The following ANO7 variants were observed in gnomAD, a reference collection of about 807,000 sequenced individuals.
The protein encoded by ANO7 is anoctamin-7.
Under a neutral mutation model 115.8 loss-of-function variants are expected in ANO7, and 114 were observed. That is an observed-to-expected ratio of 0.98 (90% confidence interval 0.85 to 1.15). The LOEUF (loss-of-function observed/expected upper bound fraction) is 1.15, where lower values mean the gene tolerates loss of function less well. ANO7 is among the 50% of genes most tolerant of loss of function. The pLI is 0.00. For missense variants in ANO7, 1,302 were observed against 1,201.2 expected, an observed-to-expected ratio of 1.08 and a Z score of -1.24; for synonymous variants, 550 against 498.2, an observed-to-expected ratio of 1.10 and a Z score of -1.38.
intron 21 of ANO7, among the ~76,000 whole-genome samples, chr2:241,221,636 C>T (rs563905431): frequency 2.0e-5 from 3 of 150,946 alleles, no homozygotes; most frequent in African/African-American, 7.4e-5. Context: ...CTTCAGCCTC[C>T]CAAAGTGTTG....
At chr2:241,219,535 G>C (rs1048850471) in intron 21 of ANO7, among the ~76,000 whole-genome samples, 2 of 151,392 alleles carry the variant, frequency 1.3e-5, no homozygotes, top group Non-Finnish European at 2.9e-5. Context: ...TATTATTTTA[G>C]GGGTTACTCA....
chr2:241,203,595 G>T lies in ANO7; in HGVS notation c.889+97G>T. 1 of 935,906 alleles carries T rather than the reference G, an allele frequency of 1.1e-6. No homozygotes were observed. Among genetic ancestry groups the T allele is most frequent in the Non-Finnish European group, 1.5e-6 (1 of 652,946 alleles). The allele number at this position is 935,906 out of a possible 1,614,324, so 58.0% of individuals were successfully genotyped here. Reference sequence around the variant, plus strand: ...AGTCCGTACCCCTGGAGGGCAGCGTGCGTGGGGGCCTGGACGGTGGGCGCA... The same window carrying T: ...AGTCCGTACCCCTGGAGGGCAGCGTTCGTGGGGGCCTGGACGGTGGGCGCA... On this transcript the variant is annotated intron_variant, in intron 9 of 24. Coordinates refer to ENST00000674324, the MANE Select transcript of ANO7 (RefSeq NM_001370694.2). The surrounding 1 kb of genome is among the most constrained non-coding windows in gnomAD (Gnocchi z 4.8).
rs1436428125 is a variant in ANO7 at position 241,225,054 on chromosome 2, A to G, written c.*901A>G. The G allele has an allele frequency of 6.6e-6, 1 of 152,118 alleles. No individual in the cohort carries two copies. The highest frequency in any genetic ancestry group is 6.5e-5 in the Admixed American group (1 of 15,274). 9.4% of individuals were successfully genotyped at this position (152,118 alleles called of 1,614,324 possible). On this transcript the variant is annotated 3_prime_UTR_variant, in exon 25 of 25. Coordinates refer to ENST00000674324, the MANE Select transcript of ANO7 (RefSeq NM_001370694.2). Reference sequence around the variant, plus strand: ...CATACATAATTGTTTTCCACGCTGGATCATAATGTGACGTGCAGTTCTGCC... The same window carrying G: ...CATACATAATTGTTTTCCACGCTGGGTCATAATGTGACGTGCAGTTCTGCC...
At chr2:241,215,045 GC>G in intron 18 of ANO7, 143 bp downstream of exon 18, 1 of 782,522 alleles carries the variant, frequency 1.3e-6, no homozygotes, top group Non-Finnish European at 2.0e-6. Context: ...GGGGGAGTGT[GC>G]CCGGCCGTCT....
chr2:241,203,682 G>A lies in ANO7; in HGVS notation c.889+184G>A, dbSNP rs563070258. On this transcript the variant is annotated intron_variant, in intron 9 of 24. Transcript: ENST00000674324. This position sits in a 1 kb window ranked among gnomAD's most constrained non-coding sequence, Gnocchi z 4.8. ...TCAAGCCCACTCACTCTAACTGGGC[G>A]CCATGACGATGCCGGGCCCTGGCCT... Among the ~76,000 whole-genome samples the A allele has an allele frequency of 4.6e-5, 7 of 152,168 alleles. No homozygotes were observed. In the East Asian group the frequency reaches 1.2e-3, roughly 25 times the overall value.
rs779775415 is a variant in ANO7, at chr2:241,223,204, T to C, written c.2340T>C (p.Asp780=). 5.6e-6 allele frequency: 9 copies of C among 1,614,110 alleles called. No homozygotes were observed. The highest frequency in any genetic ancestry group is 7.6e-6 in the Non-Finnish European group (9 of 1,180,026). The change falls in exon 22 of 25, where the codon GAT becomes GAC. Residue 780 remains aspartate, a synonymous_variant. Transcript: ENST00000674324. ...GCTGCAGGTATCGGGCTTTCCGGGA[T>C]GACGATGGACATTATTCCCAGACCT... ...NRTCRYRAFR[D]DDGHYSQTYW... is the part of the protein sequence containing the mutation.
Position 241,203,436 on chromosome 2 carries a change from AG to A in ANO7, c.828del (p.Gln276HisfsTer145). 3 of 1,593,694 alleles carry A rather than the reference AG, an allele frequency of 1.9e-6. No homozygotes were observed. The highest frequency in any genetic ancestry group is 2.6e-6 in the Non-Finnish European group (3 of 1,171,218). On this transcript the variant is annotated frameshift_variant, in exon 9 of 25. Coordinates refer to ENST00000674324, the MANE Select transcript of ANO7 (RefSeq NM_001370694.2). LOFTEE classifies it high-confidence loss of function. This position sits in a 1 kb window ranked among gnomAD's most constrained non-coding sequence, Gnocchi z 4.8. ...WARWGKWNKY[Q>X]PLDHVRRYFG... ...CGCTGGGGCAAGTGGAACAAGTACC[AG>A]CCCCTGGACCACGTGCGCAGGTACT...
At position 241,203,553 on chromosome 2, in the gene ANO7, G is replaced by A. The variant is rs2068521867; in HGVS notation, c.889+55G>A. 1.5e-6 allele frequency: 2 copies of A among 1,334,524 alleles called. No individual in the cohort carries two copies. The highest frequency in any genetic ancestry group is 5.9e-5 in the East Asian group (2 of 33,870). The allele number at this position is 1,334,524 out of a possible 1,614,324, so 82.7% of individuals were successfully genotyped here. On this transcript the variant is annotated intron_variant, in intron 9 of 24. Coordinates refer to ENST00000674324, the MANE Select transcript of ANO7 (RefSeq NM_001370694.2). This position sits in a 1 kb window ranked among gnomAD's most constrained non-coding sequence, Gnocchi z 4.8. ...CCTGGGCCCCCCCAGCTTGGTGTCAGGTTGTAACAATTTGCCAGTCCGTAC... is the reference window on the plus strand; with the variant it reads ...CCTGGGCCCCCCCAGCTTGGTGTCAAGTTGTAACAATTTGCCAGTCCGTAC...
chr2:241,207,740 G>A, intron 11 of ANO7, 70 bp downstream of exon 11: 3 of 1,422,878 alleles, frequency 2.1e-6, no homozygotes, highest in South Asian at 1.1e-5. Context: ...CCCTTGTCCT[G>A]GTCCTGACTC....
intron 11 of ANO7, among the ~76,000 whole-genome samples, chr2:241,208,965 CG>C (rs1385918792): frequency 2.0e-5 from 3 of 151,990 alleles, no homozygotes; most frequent in African/African-American, 7.2e-5. Flanking sequence ...CTGGCTAACA[CG>C]GTGAAACCTC....
At chr2:241,191,435 C>T (rs1262219273) in intron 3 of ANO7, among the ~76,000 whole-genome samples, 184 bp downstream of exon 3, 1 of 152,060 alleles carries the variant, frequency 6.6e-6, no homozygotes, top group East Asian at 1.9e-4. Flanking sequence ...GGAAGAACAG[C>T]AGGAAAGGGG....
the ANO7 span, chr2:241,239,949 GTCC>G: frequency 6.2e-7 from 1 of 1,614,182 alleles, no homozygotes; most frequent in Non-Finnish European, 8.5e-7. The surrounding 1 kb of genome is among the most constrained non-coding windows in gnomAD (Gnocchi z 4.6). Context: ...CTCGGACGGC[GTCC>G]TCCTTTCCAA....
downstream of ANO7, among the ~76,000 whole-genome samples, chr2:241,226,290 C>G (rs557593123): frequency 6.6e-6 from 1 of 152,062 alleles, no homozygotes; most frequent in African/African-American, 2.4e-5. Context: ...CCATCCGTGC[C>G]GAGCATCCAT....
chr2:241,228,928 C>T (rs538618074), downstream of ANO7: 1 of 152,834 alleles, frequency 6.5e-6, no homozygotes. Flanking sequence ...AGACCTCAGG[C>T]TGAGGGTCTG....
intron 21 of ANO7, among the ~76,000 whole-genome samples, chr2:241,221,984 C>CA (rs1222833209): frequency 2.0e-5 from 3 of 152,158 alleles, no homozygotes; most frequent in African/African-American, 7.2e-5. Flanking sequence ...CCTGTATTCC[C>CA]AGCACTGTGG....
At chr2:241,202,067 T>C (rs904701716) in intron 7 of ANO7, 127 bp from the exon 8 acceptor site, 6 of 708,658 alleles carry the variant, frequency 8.5e-6, no homozygotes, top group Admixed American at 2.3e-5. Flanking sequence ...TTCCATCAGA[T>C]CGCTATTGTC....
chr2:241,200,105 C>A lies in ANO7; in HGVS notation c.434C>A (p.Ala145Asp), dbSNP rs1193457279. 1 of 1,612,682 alleles carries A rather than the reference C, an allele frequency of 6.2e-7. No individual in the cohort carries two copies. The highest frequency in any genetic ancestry group is 1.1e-5 in the South Asian group (1 of 91,080). The change falls in exon 6 of 25, where the codon GCC becomes GAC. Residue 145 changes from alanine to aspartate, a missense_variant. Coordinates refer to ENST00000674324, the MANE Select transcript of ANO7 (RefSeq NM_001370694.2). Reference protein sequence around the residue: ...KLPLQELPNQASNWSAGLLAW... With the variant: ...KLPLQELPNQDSNWSAGLLAW... ...TCCTTCCAGGAGTTACCCAACCAGG[C>A]CTCCAACTGGTCGGCCGGCCTGCTG...
At chr2:241,223,803 C>T (rs769165607) in intron 23 of ANO7, 22 bp downstream of exon 23, 21 of 1,614,072 alleles carry the variant, frequency 1.3e-5, no homozygotes, top group Admixed American at 1.2e-4. Context: ...AGCCCAGTCT[C>T]GGCCCTCCCC....
Position 241,195,849 on chromosome 2 carries a change from C to G in ANO7, c.309+4C>G, listed in dbSNP as rs769952730. On this transcript the variant is annotated splice_donor_region_variant and intron_variant, in intron 4 of 24. Coordinates refer to ENST00000674324, the MANE Select transcript of ANO7 (RefSeq NM_001370694.2). ...GGCTGGGCTGTGTGTAGACCAGGTA[C>G]GTGGAGGCTGTCATGGGCAGGGCCC... The G allele has an allele frequency of 1.9e-6, 3 of 1,613,942 alleles. No individual in the cohort carries two copies. Among genetic ancestry groups the G allele is most frequent in the Admixed American group, 3.3e-5 (2 of 60,030 alleles).
Sources: allele counts gnomAD v4.1 joint callset (sites outside exome capture counted in the v4.1 genomes callset), GRCh38; gene constraint gnomAD v4.1.1; non-coding constraint Gnocchi (gnomAD v3.1); transcripts MANE v1.5; gene names NCBI Gene and HGNC (gene_info 2026-07-23, HGNC 2026-07-21).